ZSWIM6: variants seen among roughly 807,000 people sequenced by gnomAD.
ZSWIM6 encodes zinc finger SWIM domain-containing protein 6.
A neutral mutation model predicts 113.2 loss-of-function variants in ZSWIM6; 9 were observed. The observed-to-expected ratio is 0.08, with a 90% CI of 0.05 to 0.14. The LOEUF (loss-of-function observed/expected upper bound fraction) is 0.14. Among genes scored for constraint, ZSWIM6 ranks in the 10% least tolerant of loss-of-function variants. The pLI is 1.00. For synonymous variants in ZSWIM6, 611 were observed against 606.5 expected (o/e 1.01, Z -0.11); for missense variants, 1,162 against 1,552.2 (o/e 0.75, Z 4.22).
chr5:61,366,911 G>C (rs1745166472), intron 1 of ZSWIM6, among the ~76,000 whole-genome samples: 1 of 145,310 alleles, frequency 6.9e-6, no homozygotes, highest in Non-Finnish European at 1.5e-5. Flanking sequence ...TTGGGTGACA[G>C]AGCGATCTGC....
intron 1 of ZSWIM6, among the ~76,000 whole-genome samples, chr5:61,373,479 A>C (rs547707281): frequency 1.1e-3 from 158 of 146,384 alleles, no homozygotes; most frequent in African/African-American, 3.9e-3. Context: ...CCCGGTACTC[A>C]GTATTTCTTA....
In ZSWIM6 at chr5:61,472,393, T is replaced by A. The variant is rs983939714; in HGVS notation, c.677-288T>A. On this transcript the variant is annotated intron_variant, in intron 1 of 13. Coordinates refer to ENST00000252744, the MANE Select transcript of ZSWIM6 (RefSeq NM_020928.2). This position sits in a 1 kb window ranked among gnomAD's most constrained non-coding sequence, Gnocchi z 4.1. The stretch of plus-strand genomic sequence containing the variant: ...GTAATGATGGCCTCTTAGTGCGTGA[T>A]CTAACCACTTCCTATAGGTATGATG... Among the ~76,000 whole-genome samples, 2 of 152,218 alleles carry A rather than the reference T, an allele frequency of 1.3e-5. No homozygotes were observed. Among genetic ancestry groups the A allele is most frequent in the African/African-American group, 4.8e-5 (2 of 41,440 alleles).
At position 61,332,500 on chromosome 5, in the gene ZSWIM6, G is replaced by T; in HGVS notation, c.228G>T (p.Ser76=). The stretch of plus-strand genomic sequence containing the variant: ...CGGGCAAGACCCAGAGCCCCGAGTC[G>T]CTGCTGGACATCGCGGCGCGCAGGG... ...LPPGKTQSPE[S]LLDIAARRVA... Residue 76 remains serine (S), a synonymous_variant, in exon 1 of 14, where the codon TCG becomes TCT. Coordinates refer to ENST00000252744, the MANE Select transcript of ZSWIM6 (RefSeq NM_020928.2). 1.6e-6 allele frequency: 2 copies of T among 1,279,538 alleles called. No individual in the cohort carries two copies. The highest frequency in any genetic ancestry group is 2.0e-6 in the Non-Finnish European group (2 of 983,102). 79.3% of individuals were successfully genotyped at this position (1,279,538 alleles called of 1,614,324 possible). A position where few individuals can be genotyped will look rare whatever the true frequency, so the allele number is the denominator to read the frequency against.
At chr5:61,429,779 GAGGACAGGGACATCCA>G (rs1055185749) in intron 1 of ZSWIM6, among the ~76,000 whole-genome samples, 1 of 152,150 alleles carries the variant, frequency 6.6e-6, no homozygotes, top group East Asian at 1.9e-4. Flanking sequence ...GGTAAGGCCT[GAGGACAGGGACATCCA>G]AGGACAGGGA....
chr5:61,371,728 C>T (rs1055894916), intron 1 of ZSWIM6, among the ~76,000 whole-genome samples: 4 of 152,156 alleles, frequency 2.6e-5, no homozygotes, highest in Non-Finnish European at 4.4e-5. Context: ...ATTAGGTGTG[C>T]TGTGTATGTG....
At chr5:61,333,011 G>T in intron 1 of ZSWIM6, 63 bp downstream of exon 1, 2 of 1,003,872 alleles carry the variant, frequency 2.0e-6, no homozygotes, top group Non-Finnish European at 2.5e-6. Flanking sequence ...GGGGGGGGGT[G>T]CCCGCCTTTC....
chr5:61,517,770 A>T lies in ZSWIM6; in HGVS notation c.1334-3493A>T, dbSNP rs1045484656. On this transcript the variant is annotated intron_variant, in intron 4 of 13. Transcript: ENST00000252744. ...GAAATCCTCAGGAGATTTTTTTTTA[A>T]TTATTTAATTATTTATTTATTTATT... 3.6e-3 allele frequency among the ~76,000 whole-genome samples: 546 copies of T among 149,984 alleles called. 6 individuals are homozygous for T. The highest frequency in any genetic ancestry group is 0.012 in the African/African-American group (482 of 41,078).
At chr5:61,375,979 C>T in intron 1 of ZSWIM6, 2 of 573,598 alleles carry the variant, frequency 3.5e-6, no homozygotes, top group South Asian at 4.2e-5. Flanking sequence ...TATTCCTGGA[C>T]TATTCAGTAG....
chr5:61,473,210 C>T (rs952995818), intron 2 of ZSWIM6, among the ~76,000 whole-genome samples, 173 bp downstream of exon 2: 2 of 152,120 alleles, frequency 1.3e-5, no homozygotes, highest in Non-Finnish European at 2.9e-5. Context: ...TGAAGTGTTT[C>T]GTGTTAGGTA....
chr5:61,416,858 G>T (rs1189793907), intron 1 of ZSWIM6, among the ~76,000 whole-genome samples: 1 of 152,238 alleles, frequency 6.6e-6, no homozygotes, highest in African/African-American at 2.4e-5. Context: ...GCATAAGGCC[G>T]GGCACAGTGG....
At chr5:61,489,768 A>T (rs1466034376) in intron 2 of ZSWIM6, among the ~76,000 whole-genome samples, 1 of 152,052 alleles carries the variant, frequency 6.6e-6, no homozygotes, top group Non-Finnish European at 1.5e-5. Flanking sequence ...CACTCAGTAA[A>T]TATGCTGACT....
intron 1 of ZSWIM6, among the ~76,000 whole-genome samples, chr5:61,335,013 T>G (rs1206380905): frequency 5.9e-5 from 9 of 152,190 alleles, no homozygotes; most frequent in Non-Finnish European, 1.5e-5. Flanking sequence ...AGGAATTCAC[T>G]GTGAAAATAA....
chr5:61,427,004 C>A (rs762543325), intron 1 of ZSWIM6, among the ~76,000 whole-genome samples: 11 of 151,864 alleles, frequency 7.2e-5, no homozygotes, highest in African/African-American at 9.7e-5. Context: ...ACTCTTTTTT[C>A]TCTTGGAACT....
chr5:61,422,314 T>G (rs1004122312), intron 1 of ZSWIM6, among the ~76,000 whole-genome samples: 1 of 152,230 alleles, frequency 6.6e-6, no homozygotes, highest in African/African-American at 2.4e-5. Flanking sequence ...CACCATTTAT[T>G]GAAGAGACTG....
chr5:61,392,972 C>A (rs1745754423), intron 1 of ZSWIM6, among the ~76,000 whole-genome samples: 1 of 151,934 alleles, frequency 6.6e-6, no homozygotes, highest in Admixed American at 6.6e-5. Flanking sequence ...TGAATATGAT[C>A]TAAAATGGCC....
At chr5:61,494,146 G>A (rs116261298) in intron 3 of ZSWIM6, 114 bp from the exon 4 acceptor site, 13 of 654,350 alleles carry the variant, frequency 2.0e-5, no homozygotes, top group East Asian at 4.2e-5. Flanking sequence ...ACACACACAC[G>A]GAGAGAGAGA....
chr5:61,339,047 A>G (rs1744469629), intron 1 of ZSWIM6, among the ~76,000 whole-genome samples: 1 of 152,156 alleles, frequency 6.6e-6, no homozygotes. Flanking sequence ...AACCCTATGA[A>G]TGTTTCATAT....
rs954293982 is a variant in ZSWIM6 at position 61,531,529 on chromosome 5, A to G, written c.2049A>G (p.Glu683=). 6 of 1,551,606 alleles carry G rather than the reference A, an allele frequency of 3.9e-6. No homozygotes were observed. In the African/African-American group the frequency reaches 8.2e-5, roughly 21 times the overall value. ...TACCTGCACACAAATTCTTAGAAGA[A>G]GGGGAATCCTATTTAACGCTGGCTG... ...QHLPAHKFLE[E]GESYLTLAVE... The change falls in exon 9 of 14, where the codon GAA becomes GAG. Residue 683 remains glutamate (E), a synonymous_variant. Transcript: ENST00000252744.
intron 1 of ZSWIM6, among the ~76,000 whole-genome samples, chr5:61,382,506 A>T (rs1484248497): frequency 2.0e-5 from 3 of 152,178 alleles, no homozygotes; most frequent in Non-Finnish European, 2.9e-5. Context: ...CCTTATGTGT[A>T]GAAAGAAAAA....
Sources: allele counts gnomAD v4.1 joint callset (sites outside exome capture counted in the v4.1 genomes callset), GRCh38; gene constraint gnomAD v4.1.1; non-coding constraint Gnocchi (gnomAD v3.1); transcripts MANE v1.5; gene names NCBI Gene and HGNC (gene_info 2026-07-23, HGNC 2026-07-21).